The following PISD variants were observed in gnomAD, a reference collection of about 807,000 sequenced individuals.
PISD encodes the protein phosphatidylserine decarboxylase.
PISD carries 31 observed loss-of-function variants against 43.5 expected under a neutral mutation model. That is an observed-to-expected ratio of 0.71 (90% confidence interval 0.54 to 0.96). PISD has a LOEUF of 0.96. Among genes scored for constraint, PISD ranks in the 40% least tolerant of loss-of-function variants. The pLI is 0.00. For missense variants in PISD, 523 were observed against 548.4 expected (o/e 0.95, Z 0.46); for synonymous variants, 259 against 228.7 (o/e 1.13, Z -1.20).
intron 1 of PISD, among the ~76,000 whole-genome samples, chr22:31,657,707 A>G (rs1212404195): frequency 2.6e-5 from 4 of 151,466 alleles, no homozygotes; most frequent in African/African-American, 9.7e-5. Flanking sequence ...TTGTAGTTTT[A>G]GTAGTGACAG....
intron 3 of PISD, chr22:31,629,750 G>A (rs1482406546): frequency 2.6e-5 from 4 of 152,210 alleles, no homozygotes; most frequent in Non-Finnish European, 5.9e-5. Flanking sequence ...AGGCGGAGCA[G>A]GCAGTGAGGG....
At chr22:31,656,446 C>G (rs541621149) in intron 1 of PISD, among the ~76,000 whole-genome samples, 1 of 151,898 alleles carries the variant, frequency 6.6e-6, no homozygotes. Flanking sequence ...GTCAGGAGTT[C>G]GAGACCGGCC....
chr22:31,637,131 TAATAAATAAATTAAA>T (rs1158348698), intron 3 of PISD, among the ~76,000 whole-genome samples: 1 of 66,510 alleles, frequency 1.5e-5, no homozygotes, highest in African/African-American at 5.6e-5. Flanking sequence ...AAAAAAATAA[TAATAAATAAATTAAA>T]AAAAAAAAAA....
chr22:31,641,305 A>G (rs1304146700), intron 3 of PISD, among the ~76,000 whole-genome samples: 1 of 152,078 alleles, frequency 6.6e-6, no homozygotes, highest in Non-Finnish European at 1.5e-5. Flanking sequence ...CAGAATTGCT[A>G]TTATTGCACT....
In PISD at chr22:31,630,809, G is replaced by A. The variant is rs2073172219; in HGVS notation, c.322-8924C>T. On this transcript the variant is annotated intron_variant, in intron 3 of 7. Transcript: ENST00000439502. The surrounding 1 kb of genome is among the most constrained non-coding windows in gnomAD (Gnocchi z 4.4). ...CGCCGGCTCCGCTCACTCACCCGCA[G>A]GTGGCTCCAGCTTCCGGGCTCCGAC... 3 of 985,410 alleles carry A rather than the reference G, an allele frequency of 3.0e-6. No homozygotes were observed. In the Admixed American group the frequency reaches 1.8e-4, roughly 61 times the overall value. 61.0% of individuals were successfully genotyped at this position (985,410 alleles called of 1,614,324 possible).
Position 31,619,405 on chromosome 22 carries a change from GGT to G in PISD, c.*205_*206del. On this transcript the variant is annotated 3_prime_UTR_variant, in exon 8 of 8. Coordinates refer to ENST00000439502, the MANE Select transcript of PISD (RefSeq NM_001326411.2). ...ATTTGTAGGCAGAAGGAACGGGATA[GGT>G]TGAGGGGCATGATGGGGGCTCTCGC... 1.5e-6 allele frequency: 1 copy of G among 667,838 alleles called. No individual in the cohort carries two copies. Among genetic ancestry groups the G allele is most frequent in the Non-Finnish European group, 2.7e-6 (1 of 364,118 alleles). The allele number at this position is 667,838 out of a possible 1,614,324, so 41.4% of individuals were successfully genotyped here.
At chr22:31,639,317 G>A (rs574775304) in intron 3 of PISD, among the ~76,000 whole-genome samples, 71 of 152,126 alleles carry the variant, frequency 4.7e-4, no homozygotes, top group African/African-American at 1.7e-3. Context: ...GATTACAGGC[G>A]CCCGCCACCA....
chr22:31,627,402 G>A (rs1278760797), intron 3 of PISD, among the ~76,000 whole-genome samples: 3 of 152,238 alleles, frequency 2.0e-5, no homozygotes, highest in Non-Finnish European at 4.4e-5. Context: ...CAGCCCCAGT[G>A]TCCAGGCCTC....
intron 5 of PISD, 40 bp from the exon 6 acceptor site, chr22:31,621,182 G>A (rs1323899802): frequency 1.9e-6 from 3 of 1,613,574 alleles, no homozygotes; most frequent in South Asian, 1.1e-5. Flanking sequence ...CCAACACAGT[G>A]AGCACCCAGC....
intron 3 of PISD, among the ~76,000 whole-genome samples, chr22:31,642,963 G>A (rs1347916369): frequency 6.6e-6 from 1 of 151,736 alleles, no homozygotes; most frequent in South Asian, 2.1e-4. Flanking sequence ...TTAGCCAGGC[G>A]TGGTGGCACA....
intron 6 of PISD, 61 bp downstream of exon 6, chr22:31,620,935 G>A: frequency 6.5e-7 from 1 of 1,535,878 alleles, no homozygotes; most frequent in Non-Finnish European, 8.7e-7. Flanking sequence ...ACACCAAGAA[G>A]CTGAGAGCCT....
intron 4 of PISD, 44 bp from the exon 5 acceptor site, chr22:31,621,516 CCT>C (rs1350838050): frequency 6.2e-7 from 1 of 1,612,234 alleles, no homozygotes; most frequent in East Asian, 2.2e-5. Flanking sequence ...AGCAGGGTCT[CCT>C]CCCCCCAGGA....
Position 31,623,910 on chromosome 22 carries a change from A to G in PISD, c.322-2025T>C. ...GGCCAGGCTCTGGGCAGGACCCAGG[A>G]GGCTGCCACCTGCACCCAGGGCAGG... On this transcript the variant is annotated intron_variant, in intron 3 of 7. Coordinates refer to ENST00000439502, the MANE Select transcript of PISD (RefSeq NM_001326411.2). 5 of 1,502,744 alleles carry G rather than the reference A, an allele frequency of 3.3e-6. 1 individual carries two copies. The South Asian group carries it at 6.1e-5, about 18-fold the overall frequency. The allele number at this position is 1,502,744 out of a possible 1,614,324, so 93.1% of individuals were successfully genotyped here. A position where few individuals can be genotyped will look rare whatever the true frequency, so the allele number is the denominator to read the frequency against.
chr22:31,625,780 C>A, intron 3 of PISD: 1 of 1,596,742 alleles, frequency 6.3e-7, no homozygotes, highest in Admixed American at 1.7e-5. Flanking sequence ...CCGCGCGGAG[C>A]TCTGGTCCTT....
chr22:31,651,123 C>A (rs1278242916), intron 1 of PISD, among the ~76,000 whole-genome samples: 1 of 152,124 alleles, frequency 6.6e-6, no homozygotes, highest in Admixed American at 6.6e-5. Flanking sequence ...GCCACCACAC[C>A]TGGCTAACTT....
intron 1 of PISD, among the ~76,000 whole-genome samples, chr22:31,652,009 T>A (rs768614529): frequency 1.3e-5 from 2 of 152,222 alleles, no homozygotes; most frequent in Non-Finnish European, 2.9e-5. Context: ...ATTTTTTTCC[T>A]TGGAACCCTT....
At chr22:31,658,214 G>A (rs1479844628) in intron 1 of PISD, among the ~76,000 whole-genome samples, 6 of 152,088 alleles carry the variant, frequency 3.9e-5, no homozygotes, top group African/African-American at 1.4e-4. Flanking sequence ...ATTCTACATC[G>A]CATCCTTCAA....
chr22:31,660,671 C>A (rs148531176), intron 1 of PISD, among the ~76,000 whole-genome samples: 147 of 152,196 alleles, frequency 9.7e-4, no homozygotes, highest in African/African-American at 3.3e-3. Flanking sequence ...AAACAAATAA[C>A]AACAACAAAA....
chr22:31,655,732 T>C (rs1486156069), intron 1 of PISD, among the ~76,000 whole-genome samples: 2 of 152,078 alleles, frequency 1.3e-5, no homozygotes, highest in Non-Finnish European at 2.9e-5. Context: ...CCTCCTGGGT[T>C]CAAGCAGTTC....
Sources: gnomAD v4.1 joint callset for allele counts (sites outside exome capture counted in the v4.1 genomes callset) on GRCh38, gnomAD v4.1.1 for gene constraint, Gnocchi (gnomAD v3.1) non-coding constraint, MANE v1.5 for transcripts, NCBI Gene and HGNC (gene_info 2026-07-23, HGNC 2026-07-21) for gene names.